Variants in CTNND2 observed in about 807,000 individuals in gnomAD.
The protein encoded by CTNND2 is catenin delta-2.
Under a neutral mutation model 144.4 loss-of-function variants are expected in CTNND2, and 22 were observed. The observed-to-expected ratio is 0.15, with a 90% confidence interval of 0.11 to 0.22. CTNND2 has a LOEUF of 0.22. CTNND2 is among the 10% of genes least tolerant of loss of function. The probability of loss-of-function intolerance (pLI) is 1.00; values close to 1 mark genes in which losing one functional copy is unlikely to be tolerated. For synonymous variants in CTNND2, 751 were observed against 695.6 expected (o/e 1.08, Z -1.25); for missense variants, 1,353 against 1,618.8 (o/e 0.84, Z 2.82).
intron 2 of CTNND2, among the ~76,000 whole-genome samples, chr5:11,680,428 T>C (rs1384173972): frequency 6.6e-6 from 1 of 151,978 alleles, no homozygotes; most frequent in East Asian, 1.9e-4. Context: ...CTGACACATT[T>C]AGTGGAAAGA....
chr5:11,800,657 C>T (rs73052802), intron 1 of CTNND2, among the ~76,000 whole-genome samples: 12,970 of 152,104 alleles, frequency 0.085, 1,625 homozygotes, highest in African/African-American at 0.27. Context: ...TTGACTCTTC[C>T]ACAGCATATA....
rs967142651 is a variant in CTNND2 at position 11,323,235 on chromosome 5, G to GT, written c.1628+23136_1628+23137insA. ...AAAACAAAAACATTTAGAGATTGGGGGGGGGGGTCTCACTATATTGCCCAG... is the reference window on the plus strand; with the variant it reads ...AAAACAAAAACATTTAGAGATTGGGGTGGGGGGGTCTCACTATATTGCCCAG... On this transcript the variant is annotated intron_variant, in intron 9 of 21. Transcript: ENST00000304623. 1.8e-4 allele frequency among the ~76,000 whole-genome samples: 27 copies of GT among 147,158 alleles called. No individual in the cohort carries two copies. The South Asian group carries it at 5.7e-3, about 31-fold the overall frequency.
chr5:11,042,159 TTTGA>T (rs1294962150), intron 16 of CTNND2, among the ~76,000 whole-genome samples: 1 of 152,238 alleles, frequency 6.6e-6, no homozygotes, highest in Non-Finnish European at 1.5e-5. Context: ...TTCTTGTTCC[TTTGA>T]TTAAGTTTTC....
At chr5:11,892,752 T>A (rs1737079316) in intron 1 of CTNND2, among the ~76,000 whole-genome samples, 2 of 151,254 alleles carry the variant, frequency 1.3e-5, no homozygotes, top group African/African-American at 2.4e-5. Context: ...TTAGCTAAAA[T>A]GATAAATAAC....
At chr5:11,322,217 C>T (rs376160635) in intron 9 of CTNND2, among the ~76,000 whole-genome samples, 19 of 152,290 alleles carry the variant, frequency 1.2e-4, no homozygotes, top group African/African-American at 3.6e-4. Context: ...ATGCTAACTG[C>T]TCCTGCTCAG....
At chr5:11,301,246 T>C (rs1749574139) in intron 9 of CTNND2, among the ~76,000 whole-genome samples, 1 of 152,154 alleles carries the variant, frequency 6.6e-6, no homozygotes, top group Non-Finnish European at 1.5e-5. Flanking sequence ...CTCGGACTCC[T>C]GACCTCGTGA....
chr5:11,877,053 A>G (rs532185872), intron 1 of CTNND2, among the ~76,000 whole-genome samples: 1 of 152,300 alleles, frequency 6.6e-6, no homozygotes, highest in South Asian at 2.1e-4. Flanking sequence ...AGGTTAAAGA[A>G]GTGCTGTTAG....
chr5:11,404,602 CTT>C (rs555388304), intron 5 of CTNND2, among the ~76,000 whole-genome samples: 5 of 57,364 alleles, frequency 8.7e-5, no homozygotes, highest in Non-Finnish European at 1.6e-4. Context: ...TATCTGTATT[CTT>C]TTTTTTTTTT....
intron 2 of CTNND2, among the ~76,000 whole-genome samples, chr5:11,589,305 A>ACACACACACC (rs1779087797): frequency 6.6e-6 from 1 of 151,054 alleles, no homozygotes; most frequent in Admixed American, 6.6e-5. Flanking sequence ...ACACACACAC[A>ACACACACACC]CACACACGAC....
chr5:11,870,733 G>C lies in CTNND2; in HGVS notation c.37+33084C>G, dbSNP rs1215378892. 2.6e-5 allele frequency among the ~76,000 whole-genome samples: 4 copies of C among 152,348 alleles called. No individual in the cohort carries two copies. The East Asian group carries it at 7.7e-4, about 29-fold the overall frequency. ...GTTCAGGCATGAAGAGGTGGCCCCA[G>C]CATGTGCTAGTGCAAGAACTGGCAG... On this transcript the variant is annotated intron_variant, in intron 1 of 21. Coordinates refer to ENST00000304623, the MANE Select transcript of CTNND2 (RefSeq NM_001332.4).
intron 1 of CTNND2, among the ~76,000 whole-genome samples, chr5:11,843,072 T>C (rs1794557217): frequency 6.6e-6 from 1 of 152,142 alleles, no homozygotes; most frequent in Non-Finnish European, 1.5e-5. Flanking sequence ...AAATCTTTCT[T>C]TCCCAACAAT....
chr5:11,218,315 C>A (rs917143544), intron 10 of CTNND2, among the ~76,000 whole-genome samples: 1 of 152,148 alleles, frequency 6.6e-6, no homozygotes, highest in Non-Finnish European at 1.5e-5. Flanking sequence ...GACAAGCCAG[C>A]ATCATCTTGT....
At chr5:11,612,410 A>T (rs1780375655) in intron 2 of CTNND2, among the ~76,000 whole-genome samples, 1 of 152,218 alleles carries the variant, frequency 6.6e-6, no homozygotes, top group Non-Finnish European at 1.5e-5. Flanking sequence ...ATTATATTTA[A>T]ATTACTAATG....
intron 15 of CTNND2, among the ~76,000 whole-genome samples, chr5:11,097,729 T>C (rs946961111): frequency 3.9e-5 from 6 of 152,042 alleles, no homozygotes; most frequent in Non-Finnish European, 1.5e-5. Flanking sequence ...GTTAACATGG[T>C]TTGGATGAAA....
intron 2 of CTNND2, among the ~76,000 whole-genome samples, chr5:11,599,629 C>A (rs559737793): frequency 1.3e-5 from 2 of 152,228 alleles, no homozygotes; most frequent in South Asian, 2.1e-4. Context: ...AAATCCCAAA[C>A]AAGTAGAACT....
intron 2 of CTNND2, among the ~76,000 whole-genome samples, chr5:11,672,922 T>G (rs1783978712): frequency 6.6e-6 from 1 of 152,068 alleles, no homozygotes; most frequent in Admixed American, 6.6e-5. Context: ...CGGCTCACCC[T>G]CCGTGAGCTG....
chr5:11,412,607 T>C (rs1761630612), intron 3 of CTNND2, among the ~76,000 whole-genome samples: 1 of 152,140 alleles, frequency 6.6e-6, no homozygotes, highest in Non-Finnish European at 1.5e-5. Flanking sequence ...ATCTCAATAA[T>C]ACATCTTATG....
chr5:11,570,605 G>A (rs1777484344), intron 2 of CTNND2, among the ~76,000 whole-genome samples: 1 of 151,900 alleles, frequency 6.6e-6, no homozygotes, highest in Non-Finnish European at 1.5e-5. Context: ...TGTTGCTGTT[G>A]AGAAGTGTGA....
At chr5:11,023,017 C>A in intron 16 of CTNND2, 38 bp from the exon 17 acceptor site, 1 of 1,591,310 alleles carries the variant, frequency 6.3e-7, no homozygotes, top group South Asian at 1.1e-5. Flanking sequence ...GAAAGGAGGT[C>A]AAGGTGAAGG....
Sources: gnomAD v4.1 joint callset for allele counts (sites outside exome capture counted in the v4.1 genomes callset) on GRCh38, gnomAD v4.1.1 for gene constraint, MANE v1.5 for transcripts, NCBI Gene and HGNC (gene_info 2026-07-23, HGNC 2026-07-21) for gene names.